The following ANO3 variants were observed in gnomAD, a reference collection of about 807,000 sequenced individuals.
ANO3 encodes anoctamin-3.
A neutral mutation model predicts 144.8 loss-of-function variants in ANO3; 99 were observed. The observed-to-expected ratio is 0.68, with a 90% CI of 0.58 to 0.81. The LOEUF is 0.81. Among genes scored for constraint, ANO3 ranks in the 30% least tolerant of loss-of-function variants. ANO3 has a pLI of 0.00. For synonymous variants in ANO3, 414 were observed against 392.6 expected, an observed-to-expected ratio of 1.05 and a Z score of -0.64; for missense variants, 905 against 1,202.2, an observed-to-expected ratio of 0.75 and a Z score of 3.66.
At chr11:26,642,394 C>T (rs113682567) in intron 22 of ANO3, among the ~76,000 whole-genome samples, 1 of 132,920 alleles carries the variant, frequency 7.5e-6, no homozygotes, top group East Asian at 2.3e-4. Flanking sequence ...TTCTGTCAAC[C>T]AGGCTGGAGT....
chr11:26,226,477 C>A (rs905751662), intron 1 of ANO3, among the ~76,000 whole-genome samples: 3 of 152,018 alleles, frequency 2.0e-5, no homozygotes, highest in African/African-American at 4.8e-5. Flanking sequence ...CCAGTCTAAC[C>A]CATCTAGTGT....
intron 1 of ANO3, among the ~76,000 whole-genome samples, chr11:26,201,488 G>A (rs1297313989): frequency 6.6e-6 from 1 of 151,906 alleles, no homozygotes; most frequent in Non-Finnish European, 1.5e-5. Flanking sequence ...CGGCATATGT[G>A]ACTTTACAAG....
At chr11:26,552,160 T>C (rs1431981872) in intron 12 of ANO3, among the ~76,000 whole-genome samples, 1 of 151,978 alleles carries the variant, frequency 6.6e-6, no homozygotes, top group African/African-American at 2.4e-5. Flanking sequence ...AAGATTGGAG[T>C]GAAGACTAAA....
chr11:26,287,926 T>C (rs930630004), intron 1 of ANO3: 1 of 152,210 alleles, frequency 6.6e-6, no homozygotes, highest in African/African-American at 2.4e-5. Context: ...TTGAAACCAA[T>C]GGAGAACTTT....
At chr11:26,204,428 C>T (rs535121775) in intron 1 of ANO3, among the ~76,000 whole-genome samples, 2 of 152,264 alleles carry the variant, frequency 1.3e-5, no homozygotes, top group African/African-American at 2.4e-5. Context: ...ACCTCCAACT[C>T]TGTCCTTCCA....
chr11:26,426,949 C>T (rs1857937769), intron 1 of ANO3: 1 of 152,356 alleles, frequency 6.6e-6, no homozygotes, highest in East Asian at 1.9e-4. Context: ...TCTAACATTC[C>T]TTGAAGTAAA....
rs1851535983 is a variant in ANO3 at position 26,194,322 on chromosome 11, T to C, written c.154+4992T>C. On this transcript the variant is annotated intron_variant, in intron 1 of 27. Coordinates refer to the ANO3 transcript ENST00000672621. ...ATCACACAGTGCAGGAGCATTTATGTTACTGATGAGTAATTTTATTCATTT... is the reference window on the plus strand; with the variant it reads ...ATCACACAGTGCAGGAGCATTTATGCTACTGATGAGTAATTTTATTCATTT... Among the ~76,000 whole-genome samples the C allele has an allele frequency of 2.0e-5, 3 of 152,254 alleles. No individual in the cohort carries two copies. The South Asian group carries it at 6.2e-4, about 32-fold the overall frequency.
At chr11:26,252,139 C>T (rs1474818044) in intron 1 of ANO3, among the ~76,000 whole-genome samples, 1 of 152,030 alleles carries the variant, frequency 6.6e-6, no homozygotes, top group Non-Finnish European at 1.5e-5. Flanking sequence ...AGTTCAAATT[C>T]AACTTTAGCC....
At chr11:26,528,369 A>G (rs1330661513) in intron 7 of ANO3, among the ~76,000 whole-genome samples, 1 of 152,176 alleles carries the variant, frequency 6.6e-6, no homozygotes, top group Non-Finnish European at 1.5e-5. Context: ...ATTAGACTCC[A>G]TTTACCCCTT....
At chr11:26,452,456 G>C (rs572108901) in intron 3 of ANO3, among the ~76,000 whole-genome samples, 13 of 152,162 alleles carry the variant, frequency 8.5e-5, no homozygotes, top group African/African-American at 1.7e-4. Flanking sequence ...GAGCCGATGC[G>C]ATCAACTGGA....
rs117805415 is a variant in ANO3 at position 26,582,775 on chromosome 11, T to G, written c.1448-15590T>G. Among the ~76,000 whole-genome samples, 29 of 152,338 alleles carry G rather than the reference T, an allele frequency of 1.9e-4. No homozygotes were observed. In the East Asian group the frequency reaches 5.4e-3, roughly 28 times the overall value. ...TTAATTAAAGGCCAACTGTATGGCA[T>G]GCACTCCTCTATCCCTAGATTTCAG... On this transcript the variant is annotated intron_variant, in intron 14 of 26. Coordinates refer to ENST00000256737, the MANE Select transcript of ANO3 (RefSeq NM_031418.4).
In ANO3 at chr11:26,464,927, C is replaced by T. The variant is rs1006937615; in HGVS notation, c.432+1779C>T. On this transcript the variant is annotated intron_variant, in intron 4 of 26. Transcript: ENST00000256737. ...GAGCAATAACCAGAATGTTTAAATG[C>T]CATTTTGGTAGTCTACTTTTAAAGT... 2.0e-5 allele frequency among the ~76,000 whole-genome samples: 3 copies of T among 151,712 alleles called. No individual in the cohort carries two copies. In the East Asian group the frequency reaches 5.8e-4, roughly 29 times the overall value.
At chr11:26,341,384 T>C (rs1365899600) in intron 1 of ANO3, among the ~76,000 whole-genome samples, 1 of 152,218 alleles carries the variant, frequency 6.6e-6, no homozygotes, top group East Asian at 1.9e-4. Flanking sequence ...TGTGTTTGAA[T>C]CTTAAGATTG....
In ANO3 at chr11:26,551,670, G is replaced by A. The variant is rs1590510903; in HGVS notation, c.1290-1579G>A. Among the ~76,000 whole-genome samples, 3 of 151,832 alleles carry A rather than the reference G, an allele frequency of 2.0e-5. No homozygotes were observed. In the South Asian group the frequency reaches 6.2e-4, roughly 32 times the overall value. On this transcript the variant is annotated intron_variant, in intron 12 of 26. Transcript: ENST00000256737. Reference sequence around the variant, plus strand: ...TTTTTAGTATAAGATTCTAAAGCAGGACAAATTGTATCATTTGTGAAACAA... The same window carrying A: ...TTTTTAGTATAAGATTCTAAAGCAGAACAAATTGTATCATTTGTGAAACAA...
At chr11:26,378,955 A>G (rs1467809544) in intron 1 of ANO3, among the ~76,000 whole-genome samples, 1 of 119,168 alleles carries the variant, frequency 8.4e-6, no homozygotes, top group Non-Finnish European at 1.7e-5. Flanking sequence ...TGAACAAAAC[A>G]AAAAACAACT....
intron 1 of ANO3, among the ~76,000 whole-genome samples, chr11:26,314,475 G>A (rs1415798079): frequency 6.6e-6 from 1 of 152,070 alleles, no homozygotes; most frequent in African/African-American, 2.4e-5. Flanking sequence ...TTGTAAATGG[G>A]GTAATATACA....
At chr11:26,441,147 T>C in intron 1 of ANO3, among the ~76,000 whole-genome samples, 1 of 121,104 alleles carries the variant, frequency 8.3e-6, no homozygotes. Flanking sequence ...AGACGGAGTC[T>C]CGCTCTGTCG....
At chr11:26,506,292 CA>C (rs1430871869) in intron 4 of ANO3, among the ~76,000 whole-genome samples, 22 of 152,252 alleles carry the variant, frequency 1.4e-4, no homozygotes, top group Admixed American at 1.1e-3. Flanking sequence ...TCAGGACCAC[CA>C]GCTAAGGTAT....
chr11:26,353,392 T>C (rs1176619133), intron 1 of ANO3, among the ~76,000 whole-genome samples: 2 of 152,212 alleles, frequency 1.3e-5, no homozygotes, highest in Non-Finnish European at 2.9e-5. Flanking sequence ...GCTATTTCAA[T>C]AGTTTCCTTT....
Sources: gnomAD v4.1 joint callset for allele counts (sites outside exome capture counted in the v4.1 genomes callset) on GRCh38, gnomAD v4.1.1 for gene constraint, MANE v1.5 for transcripts, NCBI Gene and HGNC (gene_info 2026-07-23, HGNC 2026-07-21) for gene names.